FAM135B: variants seen among roughly 807,000 people sequenced by gnomAD.
FAM135B encodes the protein family with sequence similarity 135 member B, also known as protein FAM135B.
In FAM135B, 43 loss-of-function variants were observed where a neutral mutation model predicts 127.7. The ratio of observed to expected loss-of-function variants is 0.34; its 90% CI spans 0.26 to 0.43. The LOEUF is 0.43. Among genes scored for constraint, FAM135B ranks in the 20% least tolerant of loss-of-function variants. FAM135B has a pLI of 1.00. For synonymous variants in FAM135B, 670 were observed against 665.1 expected, an observed-to-expected ratio of 1.01 and a Z score of -0.11; for missense variants, 1,558 against 1,725.6, an observed-to-expected ratio of 0.90 and a Z score of 1.72.
At chr8:138,304,638 G>C (rs1390027482) in intron 3 of FAM135B, among the ~76,000 whole-genome samples, 1 of 152,244 alleles carries the variant, frequency 6.6e-6, no homozygotes, top group Non-Finnish European at 1.5e-5. Context: ...CAGGAGCTGA[G>C]ATGAGTCAAG....
intron 3 of FAM135B, among the ~76,000 whole-genome samples, chr8:138,308,410 A>G (rs1408080189): frequency 6.6e-6 from 1 of 152,208 alleles, no homozygotes; most frequent in Non-Finnish European, 1.5e-5. Flanking sequence ...AGTGCTTCAT[A>G]ATGCAGCGGT....
At chr8:138,483,032 T>TTTGC (rs1814848060) in intron 1 of FAM135B, among the ~76,000 whole-genome samples, 1 of 152,086 alleles carries the variant, frequency 6.6e-6, no homozygotes, top group Non-Finnish European at 1.5e-5. Flanking sequence ...CTCAATGAAT[T>TTTGC]TTGCTTTAAT....
intron 12 of FAM135B, among the ~76,000 whole-genome samples, chr8:138,158,595 G>GA (rs1467822178): frequency 3.3e-5 from 5 of 152,080 alleles, no homozygotes; most frequent in Admixed American, 1.3e-4. Context: ...AAATTTACAA[G>GA]AAAAAATCAA....
chr8:138,235,409 G>T (rs576729882), intron 7 of FAM135B, among the ~76,000 whole-genome samples: 2 of 152,314 alleles, frequency 1.3e-5, no homozygotes, highest in East Asian at 3.9e-4. Context: ...TGCTCAAAGA[G>T]ATGTCCTGTC....
chr8:138,426,030 C>G (rs10481400), intron 1 of FAM135B, among the ~76,000 whole-genome samples: 1 of 63,132 alleles, frequency 1.6e-5, no homozygotes. Flanking sequence ...CATACATATA[C>G]ACACACACAC....
At chr8:138,265,591 C>G in intron 4 of FAM135B, 112 bp downstream of exon 4, 6 of 1,224,106 alleles carry the variant, frequency 4.9e-6, no homozygotes, top group Non-Finnish European at 6.9e-6. Context: ...TAATCTCTGT[C>G]AGATTTCAAA....
intron 12 of FAM135B, among the ~76,000 whole-genome samples, chr8:138,160,244 T>C (rs1297893660): frequency 6.6e-6 from 1 of 152,132 alleles, no homozygotes; most frequent in Non-Finnish European, 1.5e-5. Flanking sequence ...ATCAAATTTA[T>C]GACGCTTTCC....
chr8:138,432,260 T>C (rs1025581409), intron 1 of FAM135B, among the ~76,000 whole-genome samples: 4 of 152,178 alleles, frequency 2.6e-5, no homozygotes, highest in Non-Finnish European at 4.4e-5. Context: ...TCACAGGATA[T>C]GATGCCTGAA....
chr8:138,339,377 A>ATATATG (rs1554669026), intron 2 of FAM135B, among the ~76,000 whole-genome samples: 1 of 90,342 alleles, frequency 1.1e-5, no homozygotes, highest in African/African-American at 3.7e-5. Flanking sequence ...ATATATATAT[A>ATATATG]TATATATTTT....
intron 3 of FAM135B, among the ~76,000 whole-genome samples, chr8:138,280,940 G>A (rs1824217093): frequency 6.6e-6 from 1 of 152,092 alleles, no homozygotes; most frequent in Non-Finnish European, 1.5e-5. Context: ...GAAGCACAGA[G>A]GTTGCATGTT....
At chr8:138,292,585 AACT>A (rs1403539567) in intron 3 of FAM135B, among the ~76,000 whole-genome samples, 1 of 152,128 alleles carries the variant, frequency 6.6e-6, no homozygotes, top group Non-Finnish European at 1.5e-5. Flanking sequence ...TTCCTATTAA[AACT>A]ACCATTGATA....
At chr8:138,245,204 T>C (rs1821183286) in intron 6 of FAM135B, among the ~76,000 whole-genome samples, 1 of 152,224 alleles carries the variant, frequency 6.6e-6, no homozygotes, top group Non-Finnish European at 1.5e-5. Flanking sequence ...AAAAGACTCT[T>C]TCTGTCGGAA....
At chr8:138,272,826 T>C (rs560885209) in intron 3 of FAM135B, among the ~76,000 whole-genome samples, 3 of 152,318 alleles carry the variant, frequency 2.0e-5, no homozygotes, top group African/African-American at 7.2e-5. Context: ...GTCCAGTGTA[T>C]GGCGTTGTAC....
rs538604407 is a variant in FAM135B at position 138,148,426 on chromosome 8, T to C, written c.3448+94A>G. The C allele has an allele frequency of 2.6e-4, 267 of 1,012,740 alleles. 1 individual carries two copies. Among genetic ancestry groups the C allele is most frequent in the African/African-American group, 2.4e-3 (141 of 59,598 alleles). The allele number at this position is 1,012,740 out of a possible 1,614,324, so 62.7% of individuals were successfully genotyped here. A position where few individuals can be genotyped will look rare whatever the true frequency, so the allele number is the denominator to read the frequency against. On this transcript the variant is annotated intron_variant, in intron 14 of 19. Transcript: ENST00000395297. ...CATTCCACAGTTGCTAATTGAACATTCTGTTGAATGAATACCTCATCTAAA... is the reference window on the plus strand; with the variant it reads ...CATTCCACAGTTGCTAATTGAACATCCTGTTGAATGAATACCTCATCTAAA...
intron 2 of FAM135B, among the ~76,000 whole-genome samples, chr8:138,342,907 C>T (rs557248117): frequency 5.3e-5 from 8 of 152,330 alleles, no homozygotes; most frequent in Admixed American, 5.2e-4. Context: ...TCCAAACATG[C>T]ATGCACAAAT....
intron 1 of FAM135B, among the ~76,000 whole-genome samples, chr8:138,453,959 A>T (rs141772622): frequency 6.6e-6 from 1 of 152,194 alleles, no homozygotes; most frequent in East Asian, 1.9e-4. Context: ...ACGAAAGAGA[A>T]ATCTGACTCT....
intron 7 of FAM135B, among the ~76,000 whole-genome samples, chr8:138,210,387 A>G (rs868419530): frequency 2.0e-5 from 3 of 152,114 alleles, no homozygotes; most frequent in Admixed American, 1.3e-4. Flanking sequence ...TGGGTGTATT[A>G]GTTCGTTCTT....
At chr8:138,496,562 C>A (rs1405126316) in intron 1 of FAM135B, 109 bp downstream of exon 1, 3 of 152,364 alleles carry the variant, frequency 2.0e-5, no homozygotes, top group African/African-American at 7.2e-5. Context: ...GCGGCGGAAT[C>A]GCTGTTCCGT....
chr8:138,379,568 TA>T (rs1831704350), intron 1 of FAM135B, among the ~76,000 whole-genome samples: 2 of 152,208 alleles, frequency 1.3e-5, no homozygotes, highest in South Asian at 4.1e-4. Flanking sequence ...GCTGAGTTGC[TA>T]GGGAAAGACA....
Sources: allele counts gnomAD v4.1 joint callset (sites outside exome capture counted in the v4.1 genomes callset), GRCh38; gene constraint gnomAD v4.1.1; transcripts MANE v1.5; gene names NCBI Gene and HGNC (gene_info 2026-07-23, HGNC 2026-07-21).